DLGAP4: variants seen among roughly 807,000 people sequenced by gnomAD.
DLGAP4 encodes disks large-associated protein 4.
DLGAP4 carries 18 observed loss-of-function variants against 86.9 expected under a neutral mutation model. That is an observed-to-expected ratio of 0.21 (90% CI 0.14 to 0.31). DLGAP4 has a LOEUF of 0.31. Ranked by LOEUF, DLGAP4 falls within the 10% of genes least tolerant of loss-of-function variation. The pLI, the probability that DLGAP4 is intolerant of heterozygous loss-of-function variation, is 1.00. For missense variants in DLGAP4, 1,085 were observed against 1,362.6 expected (o/e 0.80, Z 3.21); for synonymous variants, 548 against 574.3 (o/e 0.95, Z 0.65).
intron 2 of DLGAP4, among the ~76,000 whole-genome samples, chr20:36,368,544 C>G (rs950911449): frequency 2.0e-5 from 3 of 152,158 alleles, no homozygotes; most frequent in Non-Finnish European, 4.4e-5. Flanking sequence ...AATTAGCTGC[C>G]CCACAACCTG....
chr20:36,487,598 T>G (rs1345016670), intron 7 of DLGAP4, among the ~76,000 whole-genome samples: 7 of 152,308 alleles, frequency 4.6e-5, no homozygotes, highest in Non-Finnish European at 8.8e-5. Context: ...CTCCCATGCC[T>G]TGGACTGTCC....
chr20:36,360,031 G>A (rs2147401792), intron 1 of DLGAP4, among the ~76,000 whole-genome samples: 1 of 152,300 alleles, frequency 6.6e-6, no homozygotes. Flanking sequence ...TAGCTGATTA[G>A]GGGATCATAA....
chr20:36,456,151 G>A (rs929524607), intron 7 of DLGAP4, among the ~76,000 whole-genome samples: 6 of 152,126 alleles, frequency 3.9e-5, no homozygotes, highest in South Asian at 2.1e-4. Flanking sequence ...ATGCACGTGC[G>A]CACACACAGA....
chr20:36,486,619 C>CT (rs1439250589), intron 7 of DLGAP4, among the ~76,000 whole-genome samples: 29 of 151,694 alleles, frequency 1.9e-4, no homozygotes, highest in Admixed American at 7.2e-4. Flanking sequence ...AATGGGGAGC[C>CT]TTTTTTTTGA....
Position 36,432,069 on chromosome 20 carries a change from G to A in DLGAP4, c.352G>A (p.Gly118Ser). The A allele has an allele frequency of 1.2e-6, 2 of 1,614,154 alleles. No individual in the cohort carries two copies. The highest frequency in any genetic ancestry group is 1.7e-6 in the Non-Finnish European group (2 of 1,180,038). ...GAAGCAGCTGCCCATCCACCGTGATGGCTTCAGCACCCTCCAATTTCCCCG... is the reference window on the plus strand; with the variant it reads ...GAAGCAGCTGCCCATCCACCGTGATAGCTTCAGCACCCTCCAATTTCCCCG... Reference protein sequence around the residue: ...FEKQLPIHRDGFSTLQFPRGE... With the variant: ...FEKQLPIHRDSFSTLQFPRGE... The change falls in exon 3 of 13, where the codon GGC (glycine) becomes AGC (serine). Residue 118 changes from glycine (G) to serine (S), a missense_variant. Around this residue, in one of 2 missense-constraint regions of DLGAP4, gnomAD observed 1,082 missense variants for 1,344.1 expected, o/e 0.81. Coordinates refer to ENST00000339266, the MANE Select transcript of DLGAP4 (RefSeq NM_001365621.2). The surrounding 1 kb of genome is among the most constrained non-coding windows in gnomAD (Gnocchi z 6.5).
chr20:36,521,522 C>T (rs927991574), intron 10 of DLGAP4, among the ~76,000 whole-genome samples: 7 of 152,152 alleles, frequency 4.6e-5, no homozygotes, highest in Non-Finnish European at 8.8e-5. Flanking sequence ...ATTTTATTCC[C>T]CCCAGCTTAA....
rs1293873301 is a variant in DLGAP4, at chr20:36,528,536, C to A, written c.*1505C>A. On this transcript the variant is annotated 3_prime_UTR_variant, in exon 13 of 13. Transcript: ENST00000339266. ...CTGTGACCTTGGGCAAGTCACTTGACCTCTGTGTGCCTCAACTTCCTCCTC... is the reference window on the plus strand; with the variant it reads ...CTGTGACCTTGGGCAAGTCACTTGAACTCTGTGTGCCTCAACTTCCTCCTC... The A allele has an allele frequency of 3.3e-5, 5 of 152,166 alleles. No homozygotes were observed. The highest frequency in any genetic ancestry group is 1.2e-4 in the African/African-American group (5 of 41,226). 9.4% of individuals were successfully genotyped at this position (152,166 alleles called of 1,614,324 possible). A position where few individuals can be genotyped will look rare whatever the true frequency, so the allele number is the denominator to read the frequency against.
At chr20:36,343,276 G>C (rs1473880253) in intron 1 of DLGAP4, among the ~76,000 whole-genome samples, 4 of 152,140 alleles carry the variant, frequency 2.6e-5, no homozygotes, top group Admixed American at 2.0e-4. Context: ...TTGGACCCAG[G>C]GTGGCCAAGA....
intron 1 of DLGAP4, among the ~76,000 whole-genome samples, chr20:36,320,314 T>G (rs2065155670): frequency 6.9e-6 from 1 of 145,790 alleles, no homozygotes; most frequent in Non-Finnish European, 1.5e-5. Context: ...CCCCACCCCG[T>G]GTCCCCTCCC....
At chr20:36,429,207 T>C (rs1274451537) in intron 2 of DLGAP4, among the ~76,000 whole-genome samples, 1 of 151,630 alleles carries the variant, frequency 6.6e-6, no homozygotes, top group African/African-American at 2.4e-5. Flanking sequence ...GCCTCCCAAG[T>C]AGCTGGGATT....
chr20:36,506,190 G>C (rs2036360258), intron 10 of DLGAP4, among the ~76,000 whole-genome samples: 1 of 152,166 alleles, frequency 6.6e-6, no homozygotes, highest in Non-Finnish European at 1.5e-5. Context: ...GAGACAGTAA[G>C]CCTGGGGCAG....
chr20:36,327,731 A>T (rs1347321062), intron 1 of DLGAP4, among the ~76,000 whole-genome samples: 2 of 146,812 alleles, frequency 1.4e-5, no homozygotes, highest in Non-Finnish European at 3.0e-5. Context: ...AGCTGGGACT[A>T]CAGGCGCCCG....
chr20:36,524,763 G>A (rs184824536), intron 11 of DLGAP4, among the ~76,000 whole-genome samples: 131 of 152,072 alleles, frequency 8.6e-4, no homozygotes, highest in Non-Finnish European at 1.3e-3. Context: ...TTAGCTGGGC[G>A]TGGTGGTGCA....
At chr20:36,475,860 C>CT (rs1311974918) in intron 7 of DLGAP4, among the ~76,000 whole-genome samples, 13 of 151,890 alleles carry the variant, frequency 8.6e-5, no homozygotes, top group Admixed American at 7.2e-4. Context: ...CCATCTTAAC[C>CT]TTTTTTTTGT....
At chr20:36,439,492 G>C (rs980127632) in intron 4 of DLGAP4, among the ~76,000 whole-genome samples, 11 of 152,206 alleles carry the variant, frequency 7.2e-5, no homozygotes, top group Non-Finnish European at 1.5e-4. Context: ...CCCTTTGGGA[G>C]CCCTAGGCTG....
At chr20:36,446,650 G>T in intron 6 of DLGAP4, 47 bp from the exon 7 acceptor site, 1 of 1,552,630 alleles carries the variant, frequency 6.4e-7, no homozygotes, top group Non-Finnish European at 8.7e-7. Context: ...CTCCCCCCAG[G>T]ATGGGCAAGA....
chr20:36,462,536 G>T (rs1485960096), intron 7 of DLGAP4: 1 of 1,600,234 alleles, frequency 6.2e-7, no homozygotes, highest in African/African-American at 1.4e-5. Context: ...GTCTTTGCCG[G>T]GTCTCTGGGT....
Position 36,370,030 on chromosome 20 carries a change from G to C in DLGAP4, c.-73+2755G>C, listed in dbSNP as rs572717807. The stretch of plus-strand genomic sequence containing the variant: ...GACTTAAGCCTCATGTGCAAGGATC[G>C]GGGTCCAGGAAGTTCCCCGCAAAGG... On this transcript the variant is annotated intron_variant, in intron 2 of 12. Coordinates refer to ENST00000339266, the MANE Select transcript of DLGAP4 (RefSeq NM_001365621.2). 2.1e-4 allele frequency among the ~76,000 whole-genome samples: 32 copies of C among 152,208 alleles called. No homozygotes were observed. In the South Asian group the frequency reaches 6.4e-3, roughly 31 times the overall value.
At chr20:36,497,765 C>A in intron 8 of DLGAP4, 1 of 348,854 alleles carries the variant, frequency 2.9e-6, no homozygotes, top group Non-Finnish European at 4.0e-6. Context: ...GGTGTGCCAG[C>A]TTCCCCTCCA....
Sources: gnomAD v4.1 joint callset for allele counts (sites outside exome capture counted in the v4.1 genomes callset) on GRCh38, gnomAD v4.1.1 for gene constraint, gnomAD v4.1.1 regional missense constraint, Gnocchi (gnomAD v3.1) non-coding constraint, MANE v1.5 for transcripts, NCBI Gene and HGNC (gene_info 2026-07-23, HGNC 2026-07-21) for gene names.